KIRREL3: variants seen among roughly 807,000 people sequenced by gnomAD.
KIRREL3 encodes kin of IRRE-like protein 3.
In KIRREL3, 36 loss-of-function variants were observed where a neutral mutation model predicts 89.7. The observed-to-expected ratio is 0.40, with a 90% confidence interval of 0.31 to 0.53. KIRREL3 has a LOEUF of 0.53. Among genes scored for constraint, KIRREL3 ranks in the 20% least tolerant of loss-of-function variants. The pLI, the probability that KIRREL3 is intolerant of heterozygous loss-of-function variation, is 0.49. For missense variants in KIRREL3, 864 were observed against 1,056.6 expected (o/e 0.82, Z 2.53); for synonymous variants, 445 against 441.4 (o/e 1.01, Z -0.10).
At chr11:126,944,738 C>T (rs1948568539) in intron 1 of KIRREL3, among the ~76,000 whole-genome samples, 1 of 152,180 alleles carries the variant, frequency 6.6e-6, no homozygotes, top group Admixed American at 6.5e-5. Flanking sequence ...TCCCCAGCTC[C>T]TCTCTCAGTC....
In KIRREL3 at chr11:126,923,172, TCTTCTCTTCTTCTTCTC is replaced by T. The variant is rs1565422931; in HGVS notation, c.55+77266_55+77282del. ...TTCTTCTTCTTCTTCTTCTTCTTCT[TCTTCTCTTCTTCTTCTC>T]TTCTTCTTCTTCTTCTTCTTCTTCT... On this transcript the variant is annotated intron_variant, in intron 1 of 16. Coordinates refer to ENST00000525144, the MANE Select transcript of KIRREL3 (RefSeq NM_032531.4). Among the ~76,000 whole-genome samples the T allele has an allele frequency of 3.3e-3, 80 of 23,926 alleles. 18 individuals carry two copies. Among genetic ancestry groups the T allele is most frequent in the East Asian group, 8.7e-3 (16 of 1,842 alleles). The allele number at this position is 23,926 out of a possible 152,430, so 15.7% of individuals were successfully genotyped here. A position where few individuals can be genotyped will look rare whatever the true frequency, so the allele number is the denominator to read the frequency against.
Position 126,495,259 on chromosome 11 carries a change from T to A in KIRREL3, c.434-21793A>T, listed in dbSNP as rs890217115. Among the ~76,000 whole-genome samples the A allele has an allele frequency of 6.6e-6, 1 of 152,138 alleles. No homozygotes were observed. Among genetic ancestry groups the A allele is most frequent in the Admixed American group, 6.5e-5 (1 of 15,288 alleles). ...AGGAACTCCCAGTGGCTTTCCCTTG[T>A]TTGCAGAGTGCAGTGTGACCCATCA... On this transcript the variant is annotated intron_variant, in intron 4 of 16. Transcript: ENST00000525144. This position sits in a 1 kb window ranked among gnomAD's most constrained non-coding sequence, Gnocchi z 6.5.
In KIRREL3 at chr11:126,763,545, T is replaced by G. The variant is rs1158984032; in HGVS notation, c.56-200633A>C. Among the ~76,000 whole-genome samples, 2 of 152,192 alleles carry G rather than the reference T, an allele frequency of 1.3e-5. No homozygotes were observed. Among genetic ancestry groups the G allele is most frequent in the African/African-American group, 4.8e-5 (2 of 41,446 alleles). ...ACATGACACCCGAACACACAGAATC[T>G]GTGGGAACAAGTTACCCAAGAAATG... is the stretch of plus-strand genomic sequence containing the variant. On this transcript the variant is annotated intron_variant, in intron 1 of 16. Coordinates refer to ENST00000525144, the MANE Select transcript of KIRREL3 (RefSeq NM_032531.4). This position sits in a 1 kb window ranked among gnomAD's most constrained non-coding sequence, Gnocchi z 4.7.
intron 1 of KIRREL3, among the ~76,000 whole-genome samples, chr11:126,637,946 G>A (rs940613689): frequency 6.6e-6 from 1 of 152,236 alleles, no homozygotes; most frequent in Non-Finnish European, 1.5e-5. Context: ...GCATGAGTCA[G>A]TGAGCAGCAG....
intron 6 of KIRREL3, among the ~76,000 whole-genome samples, chr11:126,458,779 C>T (rs780170135): frequency 1.4e-4 from 22 of 152,224 alleles, no homozygotes; most frequent in Non-Finnish European, 5.9e-5. Context: ...CTTGTGATCT[C>T]AATCCCAGTT....
chr11:126,702,728 G>A (rs562706407), intron 1 of KIRREL3, among the ~76,000 whole-genome samples: 2 of 152,184 alleles, frequency 1.3e-5, no homozygotes, highest in Non-Finnish European at 2.9e-5. Flanking sequence ...CCACCTCCTG[G>A]TGCACCCCGC....
rs1412822953 is a variant in KIRREL3, at chr11:126,931,431, T to C, written c.55+69024A>G. Among the ~76,000 whole-genome samples, 1 of 152,148 alleles carries C rather than the reference T, an allele frequency of 6.6e-6. No individual in the cohort carries two copies. The highest frequency in any genetic ancestry group is 6.5e-5 in the Admixed American group (1 of 15,280). ...CTCCACAAGCATTCACTGCTGGTTATGTGAAAGGGAAGGAGGATATAAAGA... is the reference window on the plus strand; with the variant it reads ...CTCCACAAGCATTCACTGCTGGTTACGTGAAAGGGAAGGAGGATATAAAGA... On this transcript the variant is annotated intron_variant, in intron 1 of 16. Transcript: ENST00000525144. This position sits in a 1 kb window ranked among gnomAD's most constrained non-coding sequence, Gnocchi z 5.1.
chr11:126,866,995 C>G (rs893353987), intron 1 of KIRREL3, among the ~76,000 whole-genome samples: 1 of 152,198 alleles, frequency 6.6e-6, no homozygotes, highest in Admixed American at 6.5e-5. Flanking sequence ...GCCCTCTGTC[C>G]TTGCGATAAG....
In KIRREL3 at chr11:126,424,982, C is replaced by G. The variant is rs1954882619; in HGVS notation, c.1935G>C (p.Glu645Asp). The stretch of plus-strand genomic sequence containing the variant: ...GGGAGATGGTCGGGGTTGAGTGGTG[C>G]TCTTTGAAGGTGTTGACGCTGTAGT... ...NGYYSVNTFK[E>D]HHSTPTISLS... The change falls in exon 17 of 17, where the codon GAG (glutamate) becomes GAC (aspartate). Residue 645 changes from glutamate (E) to aspartate (D), a missense_variant. Glu to Asp is a conservative substitution (Grantham distance 45). Transcript: ENST00000525144. 1 of 1,570,622 alleles carries G rather than the reference C, an allele frequency of 6.4e-7. No homozygotes were observed. The highest frequency in any genetic ancestry group is 8.6e-7 in the Non-Finnish European group (1 of 1,156,718).
rs1943074448 is a variant in KIRREL3, at chr11:126,610,330, A to G, written c.56-47418T>C. 6.6e-6 allele frequency among the ~76,000 whole-genome samples: 1 copy of G among 152,146 alleles called. No individual in the cohort carries two copies. Among genetic ancestry groups the G allele is most frequent in the African/African-American group, 2.4e-5 (1 of 41,438 alleles). On this transcript the variant is annotated intron_variant, in intron 1 of 16. Transcript: ENST00000525144. This position sits in a 1 kb window ranked among gnomAD's most constrained non-coding sequence, Gnocchi z 4.6. ...TGGTCTTGAACTCCTGGTCTCAAAC[A>G]ATCTGTCTGCCTTGGCCTCCCAAAT...
intron 5 of KIRREL3, among the ~76,000 whole-genome samples, chr11:126,472,917 C>T (rs1449047282): frequency 6.8e-6 from 1 of 147,874 alleles, no homozygotes; most frequent in Non-Finnish European, 1.5e-5. Flanking sequence ...CCCTCCCCAT[C>T]CAGCCCCCAT....
At chr11:126,469,182 G>A (rs1211156446) in intron 5 of KIRREL3, among the ~76,000 whole-genome samples, 2 of 152,210 alleles carry the variant, frequency 1.3e-5, no homozygotes, top group South Asian at 2.1e-4. Context: ...GGCAGAGCCC[G>A]GATCCAAATT....
intron 4 of KIRREL3, among the ~76,000 whole-genome samples, chr11:126,478,045 C>T (rs796122809): frequency 1.3e-4 from 20 of 152,362 alleles, no homozygotes; most frequent in African/African-American, 4.3e-4. Context: ...CCAGCACTTA[C>T]GGCCCTCGCT....
At chr11:126,886,234 G>A (rs1204424180) in intron 1 of KIRREL3, among the ~76,000 whole-genome samples, 1 of 152,222 alleles carries the variant, frequency 6.6e-6, no homozygotes, top group Non-Finnish European at 1.5e-5. Flanking sequence ...GCCCTGAAGT[G>A]TACAAATCCT....
chr11:126,724,544 G>T lies in KIRREL3; in HGVS notation c.56-161632C>A, dbSNP rs1948303698. 6.6e-6 allele frequency among the ~76,000 whole-genome samples: 1 copy of T among 152,322 alleles called. No homozygotes were observed. Among genetic ancestry groups the T allele is most frequent in the African/African-American group, 2.4e-5 (1 of 41,576 alleles). ...TGCCCTTGAGATGGGTGGGCTCCAT[G>T]AATTTCCAGCTGAAGCAACACGTTT... On this transcript the variant is annotated intron_variant, in intron 1 of 16. Coordinates refer to ENST00000525144, the MANE Select transcript of KIRREL3 (RefSeq NM_032531.4). This position sits in a 1 kb window ranked among gnomAD's most constrained non-coding sequence, Gnocchi z 4.3.
chr11:126,951,604 G>C (rs1483920537), intron 1 of KIRREL3, among the ~76,000 whole-genome samples: 1 of 152,198 alleles, frequency 6.6e-6, no homozygotes, highest in Non-Finnish European at 1.5e-5. Context: ...GGACACCAGG[G>C]TATAAGGCTG....
chr11:126,919,274 C>T (rs943405033), intron 1 of KIRREL3, among the ~76,000 whole-genome samples: 4 of 152,164 alleles, frequency 2.6e-5, no homozygotes, highest in Non-Finnish European at 4.4e-5. Context: ...GCCCCTAAGA[C>T]AGGAGCAAGC....
chr11:126,964,051 A>G (rs574696313), intron 1 of KIRREL3, among the ~76,000 whole-genome samples: 6 of 152,150 alleles, frequency 3.9e-5, no homozygotes, highest in Non-Finnish European at 7.3e-5. Context: ...TATCTCATGA[A>G]TTTTTTCATT....
At chr11:126,600,343 A>C (rs1406707296) in intron 1 of KIRREL3, among the ~76,000 whole-genome samples, 1 of 152,238 alleles carries the variant, frequency 6.6e-6, no homozygotes, top group Admixed American at 6.5e-5. Context: ...CTTGAAGCAG[A>C]GGGCCCATCT....
Sources: allele counts gnomAD v4.1 joint callset (sites outside exome capture counted in the v4.1 genomes callset), GRCh38; gene constraint gnomAD v4.1.1; non-coding constraint Gnocchi (gnomAD v3.1); transcripts MANE v1.5; gene names NCBI Gene and HGNC (gene_info 2026-07-23, HGNC 2026-07-21).